The following SSBP3 variants were observed in gnomAD, a reference collection of about 807,000 sequenced individuals.
SSBP3 encodes the protein single stranded DNA binding protein 3.
Under a neutral mutation model 69.6 loss-of-function variants are expected in SSBP3, and 5 were observed. The ratio of observed to expected loss-of-function variants is 0.07; its 90% CI spans 0.04 to 0.15. The LOEUF (loss-of-function observed/expected upper bound fraction) is 0.15. Among genes scored for constraint, SSBP3 ranks in the 10% least tolerant of loss-of-function variants. SSBP3 has a pLI of 1.00. For missense variants in SSBP3, 312 were observed against 534.0 expected (o/e 0.58, Z 4.10); for synonymous variants, 196 against 193.4 (o/e 1.01, Z -0.11).
intron 4 of SSBP3, among the ~76,000 whole-genome samples, chr1:54,369,224 G>GA (rs1035760220): frequency 6.6e-6 from 1 of 150,538 alleles, no homozygotes; most frequent in African/African-American, 2.5e-5. Flanking sequence ...GAGTCGGGGG[G>GA]GGGGCCCAAG....
intron 4 of SSBP3, among the ~76,000 whole-genome samples, chr1:54,383,829 G>A (rs148385261): frequency 2.0e-5 from 3 of 152,216 alleles, no homozygotes; most frequent in Non-Finnish European, 2.9e-5. Flanking sequence ...AGAACCGGCC[G>A]GGCACGGTGG....
intron 4 of SSBP3, among the ~76,000 whole-genome samples, chr1:54,318,295 G>A (rs1370491613): frequency 6.6e-6 from 1 of 152,142 alleles, no homozygotes; most frequent in African/African-American, 2.4e-5. Context: ...GTGCATGTGC[G>A]TACAGAGAGC....
upstream of SSBP3, among the ~76,000 whole-genome samples, chr1:54,407,084 A>T (rs1413832889): frequency 6.6e-6 from 1 of 151,916 alleles, no homozygotes; most frequent in Non-Finnish European, 1.5e-5. Context: ...TTACTAGATC[A>T]TTAAAATACT....
intron 4 of SSBP3, among the ~76,000 whole-genome samples, chr1:54,289,040 A>AAAC (rs1557499450): frequency 1.9e-5 from 1 of 53,830 alleles, no homozygotes; most frequent in East Asian, 2.1e-4. Context: ...AAAAAAACAA[A>AAAC]AAAACAAAAA....
chr1:54,371,444 T>C (rs1647132162), intron 4 of SSBP3, among the ~76,000 whole-genome samples: 1 of 152,182 alleles, frequency 6.6e-6, no homozygotes, highest in Admixed American at 6.5e-5. Flanking sequence ...ATTTTAAGCC[T>C]TGTTTGCCAA....
chr1:54,233,951 G>GT (rs1417233023), intron 14 of SSBP3, among the ~76,000 whole-genome samples: 2 of 152,238 alleles, frequency 1.3e-5, no homozygotes, highest in East Asian at 3.8e-4. Context: ...GATGGTTGCC[G>GT]TGTCTGTGTA....
intron 4 of SSBP3, among the ~76,000 whole-genome samples, chr1:54,295,308 T>G (rs564243148): frequency 1.3e-5 from 2 of 152,242 alleles, no homozygotes; most frequent in Admixed American, 1.3e-4. Context: ...ACTCCCTCCA[T>G]CCCGGTCCAT....
At chr1:54,288,590 G>A (rs1031653661) in intron 4 of SSBP3, among the ~76,000 whole-genome samples, 4 of 143,438 alleles carry the variant, frequency 2.8e-5, no homozygotes, top group East Asian at 2.7e-4. Context: ...CAGGGGTGGG[G>A]GGGGGGAGGG....
intron 4 of SSBP3, among the ~76,000 whole-genome samples, chr1:54,330,535 C>T (rs1015569933): frequency 6.6e-6 from 1 of 152,144 alleles, no homozygotes; most frequent in Admixed American, 6.5e-5. Context: ...AGAGCAAGGG[C>T]GACCGCTTTG....
intron 4 of SSBP3, among the ~76,000 whole-genome samples, chr1:54,391,521 T>C (rs1648494329): frequency 6.6e-6 from 1 of 152,184 alleles, no homozygotes; most frequent in South Asian, 2.1e-4. Context: ...TCCCAGAATG[T>C]GGGAGAGGCC....
At chr1:54,396,052 T>G (rs1028802608) in intron 4 of SSBP3, among the ~76,000 whole-genome samples, 1 of 151,450 alleles carries the variant, frequency 6.6e-6, no homozygotes, top group Admixed American at 6.6e-5. Flanking sequence ...ATTAGCTGGG[T>G]GTGGTGGCAC....
intron 4 of SSBP3, among the ~76,000 whole-genome samples, chr1:54,371,646 G>C (rs1647136561): frequency 6.6e-6 from 1 of 152,194 alleles, no homozygotes; most frequent in South Asian, 2.1e-4. Context: ...AGGACCATCA[G>C]TTAACAATCA....
intron 4 of SSBP3, among the ~76,000 whole-genome samples, chr1:54,341,888 G>A (rs1646614954): frequency 6.6e-6 from 1 of 152,120 alleles, no homozygotes; most frequent in Admixed American, 6.5e-5. Context: ...CTTCCACGCA[G>A]AAGGAACAGC....
chr1:54,263,261 C>T (rs1439365259), intron 5 of SSBP3, among the ~76,000 whole-genome samples: 1 of 152,192 alleles, frequency 6.6e-6, no homozygotes, highest in Non-Finnish European at 1.5e-5. Flanking sequence ...TCAGAAGCAT[C>T]AGCAGGACCC....
chr1:54,335,385 CT>C (rs1483575290), intron 4 of SSBP3, among the ~76,000 whole-genome samples: 1 of 152,184 alleles, frequency 6.6e-6, no homozygotes, highest in African/African-American at 2.4e-5. Flanking sequence ...ACAAAAGGCA[CT>C]TGTGCATAAG....
intron 4 of SSBP3, among the ~76,000 whole-genome samples, chr1:54,398,234 G>C (rs1374792591): frequency 2.0e-5 from 3 of 152,146 alleles, no homozygotes; most frequent in African/African-American, 7.2e-5. Context: ...CCCAACCGAC[G>C]AGGCAGCTGC....
At chr1:54,287,064 T>C (rs1451835369) in intron 4 of SSBP3, 1 of 152,114 alleles carries the variant, frequency 6.6e-6, no homozygotes, top group Non-Finnish European at 1.5e-5. Flanking sequence ...CAAGATACTA[T>C]CTTCTGGCCT....
chr1:54,228,886 A>AG lies in SSBP3; in HGVS notation c.928-61dup. 1.9e-6 allele frequency: 3 copies of AG among 1,541,518 alleles called. No homozygotes were observed. The Middle Eastern group carries it at 5.1e-4, about 260-fold the overall frequency. ...GGCCCTGGCCCTCTGCACCCCTCACAGGCAGGGGGCTGCAGCCACGCTTGA... is the reference window on the plus strand; with the variant it reads ...GGCCCTGGCCCTCTGCACCCCTCACAGGGCAGGGGGCTGCAGCCACGCTTGA... On this transcript the variant is annotated intron_variant, in intron 14 of 17. Coordinates refer to ENST00000610401, the Ensembl canonical transcript of SSBP3.
intron 9 of SSBP3, among the ~76,000 whole-genome samples, chr1:54,244,806 G>T (rs1644704984): frequency 6.6e-6 from 1 of 152,146 alleles, no homozygotes; most frequent in Non-Finnish European, 1.5e-5. Context: ...CCTCTAGGAA[G>T]CCCTCCTGAC....
Sources: gnomAD v4.1 joint callset for allele counts (sites outside exome capture counted in the v4.1 genomes callset) on GRCh38, gnomAD v4.1.1 for gene constraint, MANE v1.5 for transcripts, NCBI Gene and HGNC (gene_info 2026-07-23, HGNC 2026-07-21) for gene names.